The following COLEC10 variants were observed in gnomAD, a reference collection of about 807,000 sequenced individuals.
COLEC10 encodes the protein collectin-10.
Under a neutral mutation model 28.4 loss-of-function variants are expected in COLEC10, and 22 were observed. That is an observed-to-expected ratio of 0.78 (90% CI 0.55 to 1.11). COLEC10 has a LOEUF of 1.11. Ranked by LOEUF, COLEC10 falls within the 50% of genes least tolerant of loss-of-function variation. The probability of loss-of-function intolerance (pLI) is 0.00; values close to 1 mark genes in which losing one functional copy is unlikely to be tolerated. For missense variants in COLEC10, 361 were observed against 344.1 expected, an observed-to-expected ratio of 1.05 and a Z score of -0.39; for synonymous variants, 125 against 116.1, an observed-to-expected ratio of 1.08 and a Z score of -0.49.
chr8:118,952,685 C>T, the COLEC10 span, among the ~76,000 whole-genome samples: 2 of 152,206 alleles, frequency 1.3e-5, no homozygotes, highest in South Asian at 4.1e-4. Context: ...GTTCCCTTCA[C>T]CAACCCCACC....
intron 1 of COLEC10, among the ~76,000 whole-genome samples, chr8:119,082,065 AAG>A (rs1250029600): frequency 3.9e-5 from 6 of 152,192 alleles, no homozygotes; most frequent in South Asian, 2.1e-4. Flanking sequence ...AGGAAAAAGA[AAG>A]AGAGAGTGAA....
At chr8:119,063,086 T>G (rs1209846137), upstream of COLEC10, 1 of 152,204 alleles carries the variant, frequency 6.6e-6, no homozygotes, top group Non-Finnish European at 1.5e-5. Context: ...TACTTCTGCC[T>G]TAGGATATGC....
the COLEC10 span, among the ~76,000 whole-genome samples, chr8:118,982,002 T>C: frequency 6.6e-6 from 1 of 151,958 alleles, no homozygotes; most frequent in African/African-American, 2.4e-5. Context: ...CCTACTTTTT[T>C]TTTTTGACTT....
chr8:119,049,694 G>A (rs922600679), intron 2 of COLEC10, among the ~76,000 whole-genome samples: 16 of 152,048 alleles, frequency 1.1e-4, no homozygotes, highest in African/African-American at 3.4e-4. Context: ...GATTACAGGC[G>A]TGAGCCACCT....
intron 2 of COLEC10, among the ~76,000 whole-genome samples, chr8:119,042,221 C>G (rs1814512179): frequency 6.6e-6 from 1 of 151,888 alleles, no homozygotes; most frequent in African/African-American, 2.4e-5. Flanking sequence ...TGGTCTCGAA[C>G]TCCTGACCTC....
At chr8:118,982,159 A>C in the COLEC10 span, among the ~76,000 whole-genome samples, 1 of 152,108 alleles carries the variant, frequency 6.6e-6, no homozygotes, top group African/African-American at 2.4e-5. Context: ...TTCTTTTAAT[A>C]CTTACCTATC....
At chr8:119,091,595 G>GAGAGAGAGAGAAAGAAAGAAAGAA (rs1250359009) in intron 3 of COLEC10, among the ~76,000 whole-genome samples, 151 of 138,526 alleles carry the variant, frequency 1.1e-3, no homozygotes, top group African/African-American at 4.1e-3. Context: ...GAGAGAGAGA[G>GAGAGAGAGAGAAAGAAAGAAAGAA]AGAAAGAAAG....
chr8:118,958,594 A>T, the COLEC10 span, among the ~76,000 whole-genome samples: 1 of 152,232 alleles, frequency 6.6e-6, no homozygotes, highest in Non-Finnish European at 1.5e-5. Flanking sequence ...AGGAAAAAAA[A>T]AGTGTATCTA....
chr8:119,010,164 G>A (rs1280260191), intron 2 of COLEC10, among the ~76,000 whole-genome samples: 5 of 150,734 alleles, frequency 3.3e-5, no homozygotes, highest in Non-Finnish European at 7.4e-5. Context: ...TGTGTTCTAC[G>A]TATTTAGCCC....
At chr8:119,000,872 A>G (rs1042882257) in intron 1 of COLEC10, among the ~76,000 whole-genome samples, 1 of 152,110 alleles carries the variant, frequency 6.6e-6, no homozygotes, top group African/African-American at 2.4e-5. Context: ...ATTGCAGGAA[A>G]TGTGGTAGAG....
intron 5 of COLEC10, among the ~76,000 whole-genome samples, chr8:119,104,896 AG>A (rs1279810882): frequency 6.6e-6 from 1 of 152,174 alleles, no homozygotes; most frequent in Non-Finnish European, 1.5e-5. Context: ...TGTGAATTAA[AG>A]TTATGGATCC....
At chr8:119,060,697 C>G (rs1304674443) in intron 2 of COLEC10, among the ~76,000 whole-genome samples, 1 of 152,016 alleles carries the variant, frequency 6.6e-6, no homozygotes, top group Admixed American at 6.6e-5. Context: ...GTTTAAAAAG[C>G]AGAGATGCAG....
At chr8:119,085,774 G>A (rs1343032030) in intron 1 of COLEC10, among the ~76,000 whole-genome samples, 1 of 151,412 alleles carries the variant, frequency 6.6e-6, no homozygotes. Flanking sequence ...CCTGCCACCA[G>A]GCCCAGCTAA....
At chr8:118,971,904 C>T in the COLEC10 span, among the ~76,000 whole-genome samples, 8 of 151,920 alleles carry the variant, frequency 5.3e-5, no homozygotes, top group South Asian at 4.1e-4. Flanking sequence ...AGCATTGTAT[C>T]GGGAGCTTTT....
intron 1 of COLEC10, among the ~76,000 whole-genome samples, chr8:119,070,714 T>C (rs1815103409): frequency 6.6e-6 from 1 of 151,662 alleles, no homozygotes; most frequent in Non-Finnish European, 1.5e-5. Context: ...CGATAAAATA[T>C]GTACAGCTAT....
chr8:119,083,277 G>A (rs985307832), intron 1 of COLEC10, among the ~76,000 whole-genome samples: 8 of 152,052 alleles, frequency 5.3e-5, no homozygotes, highest in South Asian at 2.1e-4. Flanking sequence ...AAATAGATTC[G>A]GATTCTTCAA....
At chr8:118,991,621 C>T (rs895524917), upstream of COLEC10, among the ~76,000 whole-genome samples, 2 of 152,054 alleles carry the variant, frequency 1.3e-5, no homozygotes, top group Admixed American at 6.6e-5. Flanking sequence ...GAAAACTTTT[C>T]GTACCCTTAT....
At chr8:119,087,175 C>T (rs1315266582) in intron 1 of COLEC10, among the ~76,000 whole-genome samples, 1 of 152,178 alleles carries the variant, frequency 6.6e-6, no homozygotes, top group East Asian at 1.9e-4. Context: ...AAAGTGTATT[C>T]AGTTCAACTA....
the COLEC10 span, chr8:118,976,681 A>T: frequency 6.6e-6 from 1 of 152,264 alleles, no homozygotes; most frequent in Non-Finnish European, 1.5e-5. Context: ...TTCAGGACAT[A>T]GGCATGGGCA....
Sources: gnomAD v4.1 joint callset for allele counts (sites outside exome capture counted in the v4.1 genomes callset) on GRCh38, gnomAD v4.1.1 for gene constraint, MANE v1.5 for transcripts, NCBI Gene and HGNC (gene_info 2026-07-23, HGNC 2026-07-21) for gene names.